Variants in EFCAB11 observed in about 807,000 individuals in gnomAD.
EFCAB11 encodes EF-hand calcium binding domain 11.
EFCAB11 carries 14 observed loss-of-function variants against 23.0 expected under a neutral mutation model. The ratio of observed to expected loss-of-function variants is 0.61; its 90% CI spans 0.40 to 0.95. The LOEUF (loss-of-function observed/expected upper bound fraction) is 0.95. EFCAB11 is among the 40% of genes least tolerant of loss of function. The pLI is 0.00. For missense variants in EFCAB11, 198 were observed against 195.8 expected (o/e 1.01, Z -0.07); for synonymous variants, 65 against 66.6 (o/e 0.98, Z 0.11).
rs1885597809 is a variant in EFCAB11, at chr14:89,797,060, T to C, written c.*183A>G. 2.8e-6 allele frequency: 1 copy of C among 361,984 alleles called. No homozygotes were observed. Among genetic ancestry groups the C allele is most frequent in the African/African-American group, 2.1e-5 (1 of 47,632 alleles). The allele number at this position is 361,984 out of a possible 1,614,324, so 22.4% of individuals were successfully genotyped here. A position where few individuals can be genotyped will look rare whatever the true frequency, so the allele number is the denominator to read the frequency against. ...TACTTATTGCATGCCTGTGCCAAAA[T>C]ATCTCCCGTAACCCATATATGTGTG... On this transcript the variant is annotated 3_prime_UTR_variant, in exon 6 of 6. Coordinates refer to ENST00000316738, the MANE Select transcript of EFCAB11 (RefSeq NM_145231.4).
chr14:89,890,556 G>C lies in EFCAB11; in HGVS notation c.410+40985C>G, dbSNP rs376070395. Among the ~76,000 whole-genome samples the C allele has an allele frequency of 4.8e-4, 73 of 152,262 alleles. No homozygotes were observed. In the South Asian group the frequency reaches 0.014, roughly 29 times the overall value. On this transcript the variant is annotated intron_variant, in intron 5 of 5. Transcript: ENST00000316738. ...TAGAAGGAAAAGTTTGGGAGACAAAGTATTTAAGAATTCACATGAGTTTCT... is the reference window on the plus strand; with the variant it reads ...TAGAAGGAAAAGTTTGGGAGACAAACTATTTAAGAATTCACATGAGTTTCT...
intron 5 of EFCAB11, chr14:89,924,233 C>A (rs914666133): frequency 6.1e-6 from 6 of 990,478 alleles, no homozygotes; most frequent in Non-Finnish European, 7.2e-6. Flanking sequence ...TGTCCTTTGA[C>A]CTTCCCTTGT....
rs575495265 is a variant in EFCAB11 at position 89,939,430 on chromosome 14, C to T, written c.218-6803G>A. Among the ~76,000 whole-genome samples the T allele has an allele frequency of 4.5e-4, 69 of 152,280 alleles. 1 individual carries two copies. In the South Asian group the frequency reaches 0.014, roughly 32 times the overall value. The stretch of plus-strand genomic sequence containing the variant: ...ATCTAGGAAGAAAAGATTTCAGGCA[C>T]TGACGTGGACAGCACAGAAGAGGGT... On this transcript the variant is annotated intron_variant, in intron 3 of 5. Transcript: ENST00000316738.
intron 5 of EFCAB11, among the ~76,000 whole-genome samples, chr14:89,827,643 T>C (rs1886741745): frequency 6.7e-6 from 1 of 149,236 alleles, no homozygotes; most frequent in Non-Finnish European, 1.5e-5. Context: ...TTTTTTTTTT[T>C]TTTTTTTGAG....
rs540372409 is a variant in EFCAB11, at chr14:89,932,758, A to T, written c.218-131T>A. On this transcript the variant is annotated intron_variant, in intron 3 of 5. Transcript: ENST00000316738. ...ATCTTAATTTTGGTGAACAGTATTT[A>T]CTCAAGATCTGTGAAGTTTCCTGAA... 1.6e-5 allele frequency: 12 copies of T among 744,186 alleles called. No homozygotes were observed. The Admixed American group carries it at 3.0e-4, about 18-fold the overall frequency. The allele number at this position is 744,186 out of a possible 1,614,324, so 46.1% of individuals were successfully genotyped here. A position where few individuals can be genotyped will look rare whatever the true frequency, so the allele number is the denominator to read the frequency against.
intron 5 of EFCAB11, among the ~76,000 whole-genome samples, chr14:89,896,114 G>C (rs1198302800): frequency 6.6e-6 from 1 of 152,172 alleles, no homozygotes; most frequent in Non-Finnish European, 1.5e-5. Context: ...GGCCGGGCGC[G>C]GTGGCTCACG....
chr14:89,836,435 C>G (rs1004186666), intron 5 of EFCAB11: 1 of 384,984 alleles, frequency 2.6e-6, no homozygotes, highest in African/African-American at 2.1e-5. Flanking sequence ...CTTTGCAGGC[C>G]TCTTCCTGAG....
chr14:89,944,574 GC>G (rs1284024068), intron 3 of EFCAB11, among the ~76,000 whole-genome samples: 1 of 152,062 alleles, frequency 6.6e-6, no homozygotes, highest in Non-Finnish European at 1.5e-5. Context: ...AAATCCTTTT[GC>G]CAGAAAACAA....
chr14:89,798,325 T>C lies in EFCAB11; in HGVS notation c.411-1001A>G, dbSNP rs530879059. ...GCAAAACCATGTTGCAGTGTGTTCA[T>C]ATAAAATGATTGCAGACTGCAGAGG... On this transcript the variant is annotated intron_variant, in intron 5 of 5. Transcript: ENST00000316738. Among the ~76,000 whole-genome samples, 447 of 152,380 alleles carry C rather than the reference T, an allele frequency of 2.9e-3. 1 individual carries two copies. The highest frequency in any genetic ancestry group is 4.9e-3 in the Non-Finnish European group (334 of 68,034).
At chr14:89,894,105 C>A (rs866845309) in intron 5 of EFCAB11, among the ~76,000 whole-genome samples, 1 of 152,016 alleles carries the variant, frequency 6.6e-6, no homozygotes, top group African/African-American at 2.4e-5. Flanking sequence ...CCCGCCATCA[C>A]GCCCCCGGCT....
At chr14:89,893,503 A>C (rs899038093) in intron 5 of EFCAB11, among the ~76,000 whole-genome samples, 6 of 152,030 alleles carry the variant, frequency 3.9e-5, no homozygotes, top group African/African-American at 1.4e-4. Context: ...GATGGACTTC[A>C]GCTTGCCCCA....
chr14:89,907,993 CAGCT>C (rs1336463712), intron 5 of EFCAB11, among the ~76,000 whole-genome samples: 1 of 152,176 alleles, frequency 6.6e-6, no homozygotes, highest in African/African-American at 2.4e-5. Flanking sequence ...CACTAGATAT[CAGCT>C]AGCTATTTTT....
chr14:89,942,410 C>G (rs1890823489), intron 3 of EFCAB11, among the ~76,000 whole-genome samples: 2 of 152,098 alleles, frequency 1.3e-5, no homozygotes, highest in Middle Eastern at 3.2e-3. Context: ...TATTATTCCT[C>G]TATATCATTT....
chr14:89,927,242 T>C lies in EFCAB11; in HGVS notation c.410+4299A>G, dbSNP rs144855079. Among the ~76,000 whole-genome samples the C allele has an allele frequency of 2.5e-4, 38 of 152,336 alleles. No individual in the cohort carries two copies. In the Middle Eastern group the frequency reaches 0.01, roughly 41 times the overall value. ...TTTGGTTTGTAAAATTAAAGTGTAA[T>C]ACGGGCAAGTACTTCCGAAAGAGCC... On this transcript the variant is annotated intron_variant, in intron 5 of 5. Transcript: ENST00000316738.
At chr14:89,930,840 C>G (rs2139808040) in intron 5 of EFCAB11, among the ~76,000 whole-genome samples, 1 of 152,284 alleles carries the variant, frequency 6.6e-6, no homozygotes, top group South Asian at 2.1e-4. Flanking sequence ...CTAATGAATA[C>G]ACCTGTTAAC....
chr14:89,892,396 C>T, intron 5 of EFCAB11: 1 of 1,593,048 alleles, frequency 6.3e-7, no homozygotes, highest in Non-Finnish European at 8.6e-7. Context: ...AGACCCAAAT[C>T]CCCAGGTCCC....
Position 89,797,329 on chromosome 14 carries a change from A to G in EFCAB11, c.411-5T>C, listed in dbSNP as rs769263390. On this transcript the variant is annotated splice_polypyrimidine_tract_variant and splice_region_variant and intron_variant, in intron 5 of 5. Coordinates refer to ENST00000316738, the MANE Select transcript of EFCAB11 (RefSeq NM_145231.4). ...TCTGAATCTCGATCTACTTCCCTGG[A>G]AAATGAAACAAAAAGTCATTTACAC... The G allele has an allele frequency of 5.0e-6, 8 of 1,611,636 alleles. No homozygotes were observed. Among genetic ancestry groups the G allele is most frequent in the Non-Finnish European group, 6.8e-6 (8 of 1,179,142 alleles).
chr14:89,812,789 CAT>C (rs890124995), intron 5 of EFCAB11, among the ~76,000 whole-genome samples: 3 of 152,180 alleles, frequency 2.0e-5, no homozygotes, highest in Admixed American at 6.5e-5. Context: ...AATTCGTTAA[CAT>C]GTTAGATTGT....
chr14:89,950,274 A>G (rs1891122866), intron 2 of EFCAB11, 132 bp from the exon 3 acceptor site: 2 of 872,864 alleles, frequency 2.3e-6, no homozygotes, highest in Non-Finnish European at 3.3e-6. Flanking sequence ...CAGACAAGTA[A>G]TGATACACAA....
Sources: gnomAD v4.1 joint callset for allele counts (sites outside exome capture counted in the v4.1 genomes callset) on GRCh38, gnomAD v4.1.1 for gene constraint, MANE v1.5 for transcripts, NCBI Gene and HGNC (gene_info 2026-07-23, HGNC 2026-07-21) for gene names.